STK32B: variants seen among roughly 807,000 people sequenced by gnomAD.
The protein encoded by STK32B is serine/threonine kinase 32B.
A neutral mutation model predicts 52.6 loss-of-function variants in STK32B; 43 were observed. The observed-to-expected ratio is 0.82, with a 90% CI of 0.64 to 1.05. The LOEUF (loss-of-function observed/expected upper bound fraction) is 1.05, where lower values mean the gene tolerates loss of function less well. Ranked by LOEUF, STK32B falls within the 50% of genes least tolerant of loss-of-function variation. The pLI, the probability that STK32B is intolerant of heterozygous loss-of-function variation, is 0.00. For synonymous variants in STK32B, 238 were observed against 204.3 expected (o/e 1.17, Z -1.41); for missense variants, 621 against 534.6 (o/e 1.16, Z -1.59).
intron 1 of STK32B, among the ~76,000 whole-genome samples, chr4:5,106,808 A>G (rs1279710975): frequency 6.6e-6 from 1 of 152,030 alleles, no homozygotes; most frequent in Non-Finnish European, 1.5e-5. Context: ...CATTTACTAG[A>G]TTTTATTATT....
chr4:5,350,758 A>G (rs1464596252), intron 4 of STK32B, among the ~76,000 whole-genome samples: 1 of 152,142 alleles, frequency 6.6e-6, no homozygotes, highest in Non-Finnish European at 1.5e-5. Flanking sequence ...TCTCATCTGT[A>G]AAGACACATA....
chr4:5,451,158 TACAC>T (rs1366845418), intron 7 of STK32B, among the ~76,000 whole-genome samples: 3 of 152,234 alleles, frequency 2.0e-5, no homozygotes, highest in South Asian at 2.1e-4. Context: ...AATAAGTAAA[TACAC>T]ACACAACGAT....
At chr4:5,269,102 G>A (rs1727245579) in intron 3 of STK32B, among the ~76,000 whole-genome samples, 1 of 152,178 alleles carries the variant, frequency 6.6e-6, no homozygotes, top group African/African-American at 2.4e-5. Context: ...TCATAGATCA[G>A]TGTACCAGAG....
the STK32B span, among the ~76,000 whole-genome samples, chr4:5,043,725 A>G: frequency 5.9e-5 from 9 of 152,226 alleles, no homozygotes; most frequent in African/African-American, 1.7e-4. Context: ...CAGGGGCGGA[A>G]GGAGAAGCAG....
At chr4:5,137,825 C>T (rs796186882) in intron 1 of STK32B, among the ~76,000 whole-genome samples, 19 of 152,188 alleles carry the variant, frequency 1.2e-4, no homozygotes, top group African/African-American at 4.6e-4. Context: ...GCATGAGCTG[C>T]GTGTCAAAGG....
At chr4:5,389,127 T>C (rs1469779194) in intron 4 of STK32B, among the ~76,000 whole-genome samples, 1 of 152,202 alleles carries the variant, frequency 6.6e-6, no homozygotes, top group African/African-American at 2.4e-5. Flanking sequence ...AGAACTACAT[T>C]ATTAGGCTGT....
chr4:5,098,008 A>C (rs1202208627), intron 1 of STK32B, among the ~76,000 whole-genome samples: 1 of 152,190 alleles, frequency 6.6e-6, no homozygotes, highest in Non-Finnish European at 1.5e-5. Context: ...GGGATGGATC[A>C]TCTGTTCCAC....
intron 1 of STK32B, among the ~76,000 whole-genome samples, chr4:5,118,634 C>T (rs937413555): frequency 1.3e-5 from 2 of 152,218 alleles, no homozygotes; most frequent in African/African-American, 4.8e-5. Flanking sequence ...AATCCACCCC[C>T]ACTTTATCTC....
At chr4:5,421,398 C>G (rs1341291344) in intron 6 of STK32B, among the ~76,000 whole-genome samples, 1 of 151,120 alleles carries the variant, frequency 6.6e-6, no homozygotes, top group Admixed American at 6.6e-5. Flanking sequence ...CTAATTTTTG[C>G]ATTTTTAGTA....
intron 9 of STK32B, among the ~76,000 whole-genome samples, chr4:5,462,442 G>T (rs1479879092): frequency 6.6e-6 from 1 of 152,066 alleles, no homozygotes; most frequent in African/African-American, 2.4e-5. Context: ...CCTTGGGGCC[G>T]GCAGGGGCAG....
At chr4:5,370,202 A>G (rs1005555776) in intron 4 of STK32B, among the ~76,000 whole-genome samples, 32 of 152,264 alleles carry the variant, frequency 2.1e-4, no homozygotes, top group African/African-American at 7.5e-4. Context: ...GCAGAATTAT[A>G]TGGAGCAATT....
chr4:5,242,772 A>G (rs1452893768), intron 3 of STK32B, among the ~76,000 whole-genome samples: 65 of 152,262 alleles, frequency 4.3e-4, no homozygotes, highest in Admixed American at 1.0e-3. Flanking sequence ...TAAGGAAGGG[A>G]TCCAGTTTCA....
At position 5,316,264 on chromosome 4, in the gene STK32B, A is replaced by G. The variant is rs1219307550; in HGVS notation, c.261-14956A>G. Among the ~76,000 whole-genome samples the G allele has an allele frequency of 3.2e-4, 25 of 78,840 alleles. 1 individual carries two copies. The highest frequency in any genetic ancestry group is 6.4e-4 in the South Asian group (2 of 3,104). 51.7% of individuals were successfully genotyped at this position (78,840 alleles called of 152,430 possible). On this transcript the variant is annotated intron_variant, in intron 3 of 11. Transcript: ENST00000282908. ...ATATATTGTATATATAATATATTAT[A>G]TAGTATATATAATATATTATATACA... is the stretch of plus-strand genomic sequence containing the variant.
chr4:5,423,348 G>A (rs1033841252), intron 6 of STK32B, among the ~76,000 whole-genome samples: 1 of 152,108 alleles, frequency 6.6e-6, no homozygotes, highest in African/African-American at 2.4e-5. Flanking sequence ...GAACACTCAG[G>A]AAATGTTGGC....
At chr4:5,331,971 G>T (rs1176814191) in intron 4 of STK32B, among the ~76,000 whole-genome samples, 1 of 152,176 alleles carries the variant, frequency 6.6e-6, no homozygotes, top group Non-Finnish European at 1.5e-5. Context: ...AGAGGCTTTG[G>T]AAAGTGATTG....
intron 3 of STK32B, among the ~76,000 whole-genome samples, chr4:5,285,789 C>T (rs923164501): frequency 2.0e-5 from 3 of 152,086 alleles, no homozygotes; most frequent in African/African-American, 7.2e-5. Flanking sequence ...TACAACTCTG[C>T]ATGAAACAGT....
At chr4:5,489,643 A>G (rs1719541930) in intron 11 of STK32B, among the ~76,000 whole-genome samples, 1 of 151,232 alleles carries the variant, frequency 6.6e-6, no homozygotes, top group East Asian at 2.2e-4. Context: ...TTTTTTTGAG[A>G]TGGAGTCTTG....
In STK32B at chr4:5,058,218, A is replaced by T. The variant is rs2108755789; in HGVS notation, c.52+6303A>T. 6.6e-6 allele frequency among the ~76,000 whole-genome samples: 1 copy of T among 152,306 alleles called. No individual in the cohort carries two copies. The highest frequency in any genetic ancestry group is 2.4e-5 in the African/African-American group (1 of 41,568). The stretch of plus-strand genomic sequence containing the variant: ...GGACATTATCCTGTTTCAACGTGGG[A>T]ACATTATCACTGTTCACCAACATCC... On this transcript the variant is annotated intron_variant, in intron 1 of 11. Transcript: ENST00000282908. The surrounding 1 kb of genome is among the most constrained non-coding windows in gnomAD (Gnocchi z 4.8).
At chr4:5,278,102 G>A (rs1727952917) in intron 3 of STK32B, among the ~76,000 whole-genome samples, 1 of 152,234 alleles carries the variant, frequency 6.6e-6, no homozygotes, top group South Asian at 2.1e-4. Context: ...ACAGGCCCCA[G>A]GGGTGGCAGG....
Sources: gnomAD v4.1 joint callset for allele counts (sites outside exome capture counted in the v4.1 genomes callset) on GRCh38, gnomAD v4.1.1 for gene constraint, Gnocchi (gnomAD v3.1) non-coding constraint, MANE v1.5 for transcripts, NCBI Gene and HGNC (gene_info 2026-07-23, HGNC 2026-07-21) for gene names.